The following RWDD3 variants were observed in gnomAD, a reference collection of about 807,000 sequenced individuals.
RWDD3 encodes the protein RWD domain-containing protein 3.
A neutral mutation model predicts 26.5 loss-of-function variants in RWDD3; 30 were observed. That is an observed-to-expected ratio of 1.13 (90% CI 0.85 to 1.54). The LOEUF is 1.54. RWDD3 is among the 40% of genes most tolerant of loss of function. The pLI is 0.00. For synonymous variants in RWDD3, 113 were observed against 114.5 expected, an observed-to-expected ratio of 0.99 and a Z score of 0.09; for missense variants, 296 against 309.1, an observed-to-expected ratio of 0.96 and a Z score of 0.32.
chr1:95,235,351 CTTTTTTTTTT>C (rs1166711835), intron 1 of RWDD3, among the ~76,000 whole-genome samples: 15 of 41,368 alleles, frequency 3.6e-4, no homozygotes, highest in African/African-American at 1.4e-3. Flanking sequence ...TGCGCCCGGC[CTTTTTTTTTT>C]TTTTTTTTTT....
chr1:95,241,999 G>A (rs1162179869), intron 1 of RWDD3, among the ~76,000 whole-genome samples: 1 of 152,114 alleles, frequency 6.6e-6, no homozygotes, highest in Non-Finnish European at 1.5e-5. Context: ...TCAACTCGAG[G>A]TAAAGAGGAT....
chr1:95,246,602 A>G lies in RWDD3; in HGVS notation c.634A>G (p.Lys212Glu). The G allele has an allele frequency of 6.2e-7, 1 of 1,613,110 alleles. No homozygotes were observed. Among genetic ancestry groups the G allele is most frequent in the South Asian group, 1.1e-5 (1 of 91,004 alleles). The change falls in exon 3 of 4, where the codon AAA becomes GAA. Residue 212 changes from lysine (K) to glutamate (E), a missense_variant. Coordinates refer to ENST00000370202, the MANE Select transcript of RWDD3 (RefSeq NM_015485.5). Reference sequence around the variant, plus strand: ...TGTGGACTCAAGTGGAAAGAAATGCAAAGAGAAAATGATTAGTGTACTGTT... The same window carrying G: ...TGTGGACTCAAGTGGAAAGAAATGCGAAGAGAAAATGATTAGTGTACTGTT... ...VDVDSSGKKC[K>E]EKMISVLFET...
chr1:95,243,275 T>A (rs1680709880), intron 1 of RWDD3: 1 of 152,196 alleles, frequency 6.6e-6, no homozygotes, highest in South Asian at 2.1e-4. Flanking sequence ...GGGGATACAT[T>A]CAGGTCTCAG....
chr1:95,234,528 C>T (rs1680198802), intron 1 of RWDD3, among the ~76,000 whole-genome samples: 2 of 152,080 alleles, frequency 1.3e-5, no homozygotes, highest in South Asian at 4.1e-4. Flanking sequence ...GAGAGCGGCG[C>T]GGCCCACTGG....
At chr1:95,234,421 T>A in intron 1 of RWDD3, 106 bp downstream of exon 1, 1 of 1,006,514 alleles carries the variant, frequency 9.9e-7, no homozygotes, top group Non-Finnish European at 1.5e-6. Flanking sequence ...TGGGCCCACG[T>A]ATGGGGACCG....
intron 1 of RWDD3, among the ~76,000 whole-genome samples, chr1:95,235,319 T>G (rs1355034781): frequency 7.0e-6 from 1 of 142,516 alleles, no homozygotes; most frequent in Non-Finnish European, 1.5e-5. Flanking sequence ...CCGAAAGTGC[T>G]GGGATTACAG....
intron 1 of RWDD3, chr1:95,243,556 T>C (rs973176388): frequency 1.3e-5 from 2 of 152,426 alleles, no homozygotes; most frequent in Non-Finnish European, 1.5e-5. Context: ...TCATATGATA[T>C]CCTATGTGTG....
Position 95,245,159 on chromosome 1 carries a change from G to A in RWDD3, c.573+461G>A, listed in dbSNP as rs1468065131. Among the ~76,000 whole-genome samples the A allele has an allele frequency of 3.9e-5, 6 of 152,280 alleles. No individual in the cohort carries two copies. The East Asian group carries it at 1.2e-3, about 29-fold the overall frequency. On this transcript the variant is annotated intron_variant, in intron 2 of 3. Transcript: ENST00000370202. ...CTTTAATTTGGTATCTATAATACCT[G>A]GAAAGAGGAGCTTGTCTGTTATAAC... is the stretch of plus-strand genomic sequence containing the variant.
intron 1 of RWDD3, among the ~76,000 whole-genome samples, chr1:95,234,811 A>C (rs1029362377): frequency 6.6e-6 from 1 of 151,974 alleles, no homozygotes; most frequent in African/African-American, 2.4e-5. Flanking sequence ...GTAGTAGGTA[A>C]ATGTTTGTTG....
chr1:95,235,351 C>CTTTTTTTTTTTT (rs1166711835), intron 1 of RWDD3, among the ~76,000 whole-genome samples: 2 of 41,368 alleles, frequency 4.8e-5, no homozygotes, highest in South Asian at 1.9e-3. Context: ...TGCGCCCGGC[C>CTTTTTTTTTTTT]TTTTTTTTTT....
intron 2 of RWDD3, 190 bp downstream of exon 2, chr1:95,244,888 C>G (rs962347695): frequency 4.8e-6 from 3 of 626,240 alleles, no homozygotes; most frequent in African/African-American, 3.7e-5. Flanking sequence ...TACAAACTTG[C>G]AAAGCTTGAA....
chr1:95,245,331 C>T (rs969612608), intron 2 of RWDD3, among the ~76,000 whole-genome samples: 6 of 152,148 alleles, frequency 3.9e-5, no homozygotes, highest in Admixed American at 3.9e-4. Flanking sequence ...ATTCTAAACT[C>T]ATCTGACCTG....
chr1:95,239,796 G>GA, intron 1 of RWDD3: 1 of 1,286,358 alleles, frequency 7.8e-7, no homozygotes, highest in Non-Finnish European at 1.0e-6. Context: ...ATAACACAGA[G>GA]AAAAATGAAA....
chr1:95,234,376 G>C (rs1571833926), intron 1 of RWDD3, 61 bp downstream of exon 1: 1 of 1,475,252 alleles, frequency 6.8e-7, no homozygotes, highest in East Asian at 2.5e-5. Context: ...TTCGCTTTGC[G>C]TCTCCTCCCC....
chr1:95,246,422 T>C, intron 2 of RWDD3, 120 bp from the exon 3 acceptor site: 1 of 584,614 alleles, frequency 1.7e-6, no homozygotes, highest in Non-Finnish European at 3.1e-6. Context: ...TTCTTACTGC[T>C]TGATTTAAAA....
At chr1:95,242,420 A>G (rs187970145) in intron 1 of RWDD3, among the ~76,000 whole-genome samples, 7 of 152,302 alleles carry the variant, frequency 4.6e-5, no homozygotes, top group Admixed American at 3.9e-4. Flanking sequence ...TGCTTGTTCA[A>G]TGATGAATGA....
chr1:95,245,649 T>C (rs1397877263), intron 2 of RWDD3, among the ~76,000 whole-genome samples: 3 of 152,200 alleles, frequency 2.0e-5, no homozygotes. Flanking sequence ...ATATCTTGGA[T>C]TGGGACTGAC....
chr1:95,247,037 T>C lies in RWDD3; in HGVS notation c.*167T>C, dbSNP rs1680878697. The C allele has an allele frequency of 9.5e-6, 4 of 422,862 alleles. No individual in the cohort carries two copies. The highest frequency in any genetic ancestry group is 4.1e-5 in the African/African-American group (2 of 48,548). 26.2% of individuals were successfully genotyped at this position (422,862 alleles called of 1,614,324 possible). A position where few individuals can be genotyped will look rare whatever the true frequency, so the allele number is the denominator to read the frequency against. On this transcript the variant is annotated 3_prime_UTR_variant, in exon 4 of 4. Transcript: ENST00000370202. ...AAAGCCAGTTCTGTTTTATGAAATA[T>C]TAAACATGAAGAAAACTTGTATATT...
At position 95,235,678 on chromosome 1, in the gene RWDD3, A is replaced by G. The variant is rs1680312177; in HGVS notation, c.85+1363A>G. ...CTGGCCTTCTGATACTTTTTTTTAA[A>G]CAAGCTCTTGAGGGCTTTATTAGTC... On this transcript the variant is annotated intron_variant, in intron 1 of 3. Transcript: ENST00000370202. Among the ~76,000 whole-genome samples the G allele has an allele frequency of 2.0e-5, 3 of 151,940 alleles. No homozygotes were observed. The South Asian group carries it at 6.2e-4, about 32-fold the overall frequency.
Sources: gnomAD v4.1 joint callset for allele counts (sites outside exome capture counted in the v4.1 genomes callset) on GRCh38, gnomAD v4.1.1 for gene constraint, MANE v1.5 for transcripts, NCBI Gene and HGNC (gene_info 2026-07-23, HGNC 2026-07-21) for gene names.